UCHL5: variants seen among roughly 807,000 people sequenced by gnomAD.
UCHL5 encodes ubiquitin C-terminal hydrolase L5.
Under a neutral mutation model 53.8 loss-of-function variants are expected in UCHL5, and 34 were observed. That is an observed-to-expected ratio of 0.63 (90% CI 0.48 to 0.84). The LOEUF (loss-of-function observed/expected upper bound fraction) is 0.84, where lower values mean the gene tolerates loss of function less well. UCHL5 is among the 40% of genes least tolerant of loss of function. The pLI, the probability that UCHL5 is intolerant of heterozygous loss-of-function variation, is 0.00. For missense variants in UCHL5, 290 were observed against 385.6 expected, an observed-to-expected ratio of 0.75 and a Z score of 2.08; for synonymous variants, 111 against 126.3, an observed-to-expected ratio of 0.88 and a Z score of 0.81.
chr1:193,037,833 C>A (rs1403798945), intron 3 of UCHL5, among the ~76,000 whole-genome samples: 1 of 138,866 alleles, frequency 7.2e-6, no homozygotes, highest in Non-Finnish European at 1.5e-5. Flanking sequence ...CACATGTATA[C>A]ATATGTAACA....
intron 3 of UCHL5, among the ~76,000 whole-genome samples, chr1:193,047,834 T>C (rs942980715): frequency 1.3e-5 from 2 of 152,160 alleles, no homozygotes; most frequent in Non-Finnish European, 2.9e-5. Context: ...TGTGTAAAAC[T>C]GGTGGTATTT....
At chr1:193,053,143 C>A (rs2102884352) in intron 1 of UCHL5, among the ~76,000 whole-genome samples, 1 of 152,232 alleles carries the variant, frequency 6.6e-6, no homozygotes, top group Admixed American at 6.5e-5. Flanking sequence ...ATCTGAATAT[C>A]TAGCAACAGA....
rs1654613192 is a variant in UCHL5 at position 193,014,536 on chromosome 1, C to T, written c.*1815G>A. 1 of 152,042 alleles carries T rather than the reference C, an allele frequency of 6.6e-6. No individual in the cohort carries two copies. The highest frequency in any genetic ancestry group is 2.1e-4 in the South Asian group (1 of 4,826). The allele number at this position is 152,042 out of a possible 1,614,324, so 9.4% of individuals were successfully genotyped here. On this transcript the variant is annotated 3_prime_UTR_variant, in exon 11 of 11. Transcript: ENST00000367454. ...AACCTTTGGCTAACCCCCCAAGTCA[C>T]AAAAATATCATCTGTTTTCAGTTAA... is the stretch of plus-strand genomic sequence containing the variant.
At chr1:193,047,291 TA>T (rs1377221715) in intron 3 of UCHL5, among the ~76,000 whole-genome samples, 31 of 152,128 alleles carry the variant, frequency 2.0e-4, no homozygotes, top group African/African-American at 6.5e-4. Context: ...GTCAAACTGT[TA>T]AAAGGTTAGT....
intron 6 of UCHL5, among the ~76,000 whole-genome samples, 158 bp from the exon 7 acceptor site, chr1:193,028,306 A>G (rs1463182566): frequency 6.6e-6 from 1 of 152,174 alleles, no homozygotes; most frequent in Non-Finnish European, 1.5e-5. Context: ...AATTCCATAA[A>G]TAAATTTTTA....
upstream of UCHL5, chr1:193,059,669 C>CT (rs1558217739): frequency 4.4e-6 from 6 of 1,372,496 alleles, no homozygotes; most frequent in Non-Finnish European, 5.8e-6. This position sits in a 1 kb window ranked among gnomAD's most constrained non-coding sequence, Gnocchi z 4.9. Context: ...GTTGCTGTTG[C>CT]TGTGGCTGTC....
chr1:193,044,558 C>T (rs772708215), intron 3 of UCHL5, among the ~76,000 whole-genome samples: 9 of 152,114 alleles, frequency 5.9e-5, no homozygotes, highest in African/African-American at 1.2e-4. Flanking sequence ...CACACACACA[C>T]GCAACCCCCT....
rs773217266 is a variant in UCHL5, at chr1:193,052,954, A to T, written c.77-1137T>A. ...GAAGCCTTTAGACTACTGCAAAAAA[A>T]CAGTGGTTAAAAAAGAAAAAAAAGT... On this transcript the variant is annotated intron_variant, in intron 1 of 10. Coordinates refer to ENST00000367454, the MANE Select transcript of UCHL5 (RefSeq NM_001199261.3). 4.0e-4 allele frequency among the ~76,000 whole-genome samples: 61 copies of T among 152,208 alleles called. 1 individual carries two copies. The highest frequency in any genetic ancestry group is 6.6e-4 in the Non-Finnish European group (45 of 68,038).
intron 1 of UCHL5, among the ~76,000 whole-genome samples, chr1:193,056,963 A>G (rs577744840): frequency 2.6e-5 from 4 of 152,236 alleles, no homozygotes; most frequent in African/African-American, 7.2e-5. Context: ...ATGAATTTAT[A>G]TATCATTCTT....
chr1:193,050,104 A>T (rs1266162774), intron 2 of UCHL5, among the ~76,000 whole-genome samples: 2 of 152,192 alleles, frequency 1.3e-5, no homozygotes, highest in Non-Finnish European at 2.9e-5. Context: ...TAGACTATTC[A>T]TTTCTACCTG....
At chr1:193,040,713 T>G (rs922997856) in intron 3 of UCHL5, among the ~76,000 whole-genome samples, 1 of 152,220 alleles carries the variant, frequency 6.6e-6, no homozygotes, top group Non-Finnish European at 1.5e-5. Flanking sequence ...TATGGCACTA[T>G]TAATAATAGC....
intron 3 of UCHL5, among the ~76,000 whole-genome samples, chr1:193,031,948 G>A (rs1661572673): frequency 6.6e-6 from 1 of 152,174 alleles, no homozygotes; most frequent in South Asian, 2.1e-4. Flanking sequence ...TAAAGCAGTA[G>A]AGTTCAATAA....
intron 3 of UCHL5, among the ~76,000 whole-genome samples, chr1:193,039,341 C>G (rs1392948357): frequency 6.6e-6 from 1 of 152,002 alleles, no homozygotes; most frequent in Non-Finnish European, 1.5e-5. Flanking sequence ...ACCTGGGAGG[C>G]AAGGTGGAGA....
intron 1 of UCHL5, among the ~76,000 whole-genome samples, chr1:193,056,074 C>A (rs1485271123): frequency 6.6e-6 from 1 of 152,124 alleles, no homozygotes; most frequent in African/African-American, 2.4e-5. Flanking sequence ...AAACACAGGG[C>A]ATATACTGGT....
intron 10 of UCHL5, chr1:193,019,755 AAAC>A: frequency 1.6e-6 from 1 of 627,260 alleles, no homozygotes; most frequent in Non-Finnish European, 2.0e-6. Context: ...ATTAAAAATC[AAAC>A]AACAGTGGTT....
Position 193,020,385 on chromosome 1 carries a change from TG to T in UCHL5, c.942+711del, listed in dbSNP as rs1256696232. 1.4e-5 allele frequency: 21 copies of T among 1,547,970 alleles called. No individual in the cohort carries two copies. The Admixed American group carries it at 4.1e-4, about 30-fold the overall frequency. ...TCTTCTCAAAGTGTTTCTCAAACTG[TG>T]GTACACAGACCAGTTGCATTAGAAT... On this transcript the variant is annotated intron_variant, in intron 10 of 10. Coordinates refer to ENST00000367454, the MANE Select transcript of UCHL5 (RefSeq NM_001199261.3).
chr1:193,035,393 G>A (rs916924123), intron 3 of UCHL5, among the ~76,000 whole-genome samples: 1 of 151,748 alleles, frequency 6.6e-6, no homozygotes, highest in Non-Finnish European at 1.5e-5. Context: ...ATCTAGCAAC[G>A]GGGTTCTCAA....
intron 2 of UCHL5, 95 bp from the exon 3 acceptor site, chr1:193,049,946 T>C (rs1668492272): frequency 9.5e-7 from 1 of 1,047,766 alleles, no homozygotes; most frequent in Non-Finnish European, 1.3e-6. Flanking sequence ...CTAACAAATA[T>C]AATACAAATG....
At chr1:193,044,410 A>C (rs1437308315) in intron 3 of UCHL5, among the ~76,000 whole-genome samples, 1 of 152,184 alleles carries the variant, frequency 6.6e-6, no homozygotes, top group Non-Finnish European at 1.5e-5. Context: ...CTCTCTCATC[A>C]GTGAAATAAC....
Sources: allele counts gnomAD v4.1 joint callset (sites outside exome capture counted in the v4.1 genomes callset), GRCh38; gene constraint gnomAD v4.1.1; non-coding constraint Gnocchi (gnomAD v3.1); transcripts MANE v1.5; gene names NCBI Gene and HGNC (gene_info 2026-07-23, HGNC 2026-07-21).